NRXN3: variants seen among roughly 807,000 people sequenced by gnomAD.
NRXN3 encodes neurexin 3, also known as neurexin III.
A neutral mutation model predicts 137.6 loss-of-function variants in NRXN3; 32 were observed. The observed-to-expected ratio is 0.23, with a 90% CI of 0.18 to 0.31. The LOEUF (loss-of-function observed/expected upper bound fraction) is 0.31. Among genes scored for constraint, NRXN3 ranks in the 10% least tolerant of loss-of-function variants. The pLI is 1.00. For missense variants in NRXN3, 1,574 were observed against 2,062.5 expected (o/e 0.76, Z 4.59); for synonymous variants, 798 against 784.5 (o/e 1.02, Z -0.29).
At chr14:79,142,508 T>C (rs2058896844) in intron 15 of NRXN3, among the ~76,000 whole-genome samples, 1 of 151,804 alleles carries the variant, frequency 6.6e-6, no homozygotes. Flanking sequence ...AGCAAAGATA[T>C]GAATATTAAA....
intron 3 of NRXN3, among the ~76,000 whole-genome samples, chr14:78,281,752 T>C (rs1224940063): frequency 2.6e-5 from 4 of 152,076 alleles, no homozygotes; most frequent in Admixed American, 2.6e-4. Context: ...TCAGCACAGA[T>C]GGAGAAAAGC....
At chr14:79,244,072 A>G (rs1029955982) in intron 15 of NRXN3, among the ~76,000 whole-genome samples, 4 of 152,100 alleles carry the variant, frequency 2.6e-5, no homozygotes, top group South Asian at 2.1e-4. Flanking sequence ...TCGTTTGATG[A>G]TTTTCTTTCT....
chr14:78,629,614 C>T (rs930857454), intron 4 of NRXN3, among the ~76,000 whole-genome samples: 1 of 152,226 alleles, frequency 6.6e-6, no homozygotes, highest in African/African-American at 2.4e-5. Context: ...CAAATCATTC[C>T]ATACAACGTA....
chr14:79,622,221 A>G (rs1017096265), intron 16 of NRXN3, among the ~76,000 whole-genome samples: 3 of 152,336 alleles, frequency 2.0e-5, no homozygotes, highest in Admixed American at 1.3e-4. Context: ...GACATGTGAC[A>G]TGGATTTGCA....
intron 4 of NRXN3, among the ~76,000 whole-genome samples, chr14:78,519,863 G>A (rs2096262632): frequency 6.6e-6 from 1 of 152,136 alleles, no homozygotes; most frequent in South Asian, 2.1e-4. Flanking sequence ...TGTTTGTAGA[G>A]CATGCTGGAA....
rs150567649 is a variant in NRXN3, at chr14:78,834,487, G to A, written c.2275+24143G>A. Among the ~76,000 whole-genome samples the A allele has an allele frequency of 4.3e-3, 651 of 152,256 alleles. 8 individuals are homozygous for A. The highest frequency in any genetic ancestry group is 0.015 in the African/African-American group (609 of 41,556). ...ACTTAAAAAGCTGAAGCAAAAAGTT[G>A]CATTATTTTAGGAAAATGAAGCAGG... On this transcript the variant is annotated intron_variant, in intron 10 of 20. Transcript: ENST00000335750.
chr14:78,727,480 C>T (rs568690695), intron 8 of NRXN3, among the ~76,000 whole-genome samples: 25 of 152,248 alleles, frequency 1.6e-4, no homozygotes, highest in Admixed American at 1.2e-3. Flanking sequence ...CGGTGGCTCA[C>T]GCCTGTAATT....
intron 15 of NRXN3, among the ~76,000 whole-genome samples, chr14:79,197,807 T>C (rs569325908): frequency 1.3e-5 from 2 of 152,298 alleles, no homozygotes; most frequent in South Asian, 2.1e-4. Flanking sequence ...AAAGACTTCT[T>C]TGTAGCATGC....
intron 8 of NRXN3, among the ~76,000 whole-genome samples, chr14:78,785,401 C>G (rs1386593605): frequency 6.6e-6 from 1 of 152,200 alleles, no homozygotes; most frequent in Non-Finnish European, 1.5e-5. Context: ...CAGCGCTATT[C>G]TTGGCCCACT....
At chr14:78,302,807 C>G (rs75720978) in intron 4 of NRXN3, among the ~76,000 whole-genome samples, 1 of 152,196 alleles carries the variant, frequency 6.6e-6, no homozygotes, top group Non-Finnish European at 1.5e-5. Flanking sequence ...CTGAACCTTC[C>G]TCCTCCTAGG....
At chr14:78,704,335 G>A (rs2098323634) in intron 6 of NRXN3, among the ~76,000 whole-genome samples, 1 of 152,148 alleles carries the variant, frequency 6.6e-6, no homozygotes, top group Admixed American at 6.6e-5. Flanking sequence ...AGTAGCCAGG[G>A]AAATTCTCAA....
chr14:78,669,114 A>G lies in NRXN3; in HGVS notation c.1221+17788A>G, dbSNP rs60240031. ...TCCTGAAAGAGAAAGAACATGAACA[A>G]AAGTTAAAAAAAAATTTTAAGAGTG... On this transcript the variant is annotated intron_variant, in intron 6 of 20. Transcript: ENST00000335750. Among the ~76,000 whole-genome samples, 620 of 152,312 alleles carry G rather than the reference A, an allele frequency of 4.1e-3. 7 individuals carry two copies. Among genetic ancestry groups the G allele is most frequent in the African/African-American group, 0.014 (594 of 41,574 alleles).
At chr14:78,902,702 C>G (rs1236811150) in intron 10 of NRXN3, among the ~76,000 whole-genome samples, 2 of 151,950 alleles carry the variant, frequency 1.3e-5, no homozygotes, top group African/African-American at 4.8e-5. Context: ...ATGTACAAGG[C>G]TCTTAAAGAT....
intron 16 of NRXN3, among the ~76,000 whole-genome samples, chr14:79,594,252 T>A (rs1447566198): frequency 1.3e-5 from 2 of 152,156 alleles, no homozygotes; most frequent in South Asian, 4.1e-4. Context: ...TTTTAGTGGA[T>A]CTCAGTCTAG....
At chr14:79,043,627 C>T (rs1211223550) in intron 15 of NRXN3, among the ~76,000 whole-genome samples, 4 of 152,046 alleles carry the variant, frequency 2.6e-5, no homozygotes, top group East Asian at 1.9e-4. Context: ...ATCTATGGCC[C>T]GGGACAGCTC....
chr14:79,535,062 T>A (rs1463918859), intron 16 of NRXN3, among the ~76,000 whole-genome samples: 4 of 152,176 alleles, frequency 2.6e-5, no homozygotes, highest in Admixed American at 2.6e-4. Context: ...ATTTTTGAGG[T>A]CTCTTTTATT....
intron 16 of NRXN3, among the ~76,000 whole-genome samples, chr14:79,509,541 A>ATGTG (rs35117475): frequency 0.017 from 2,594 of 148,768 alleles, 53 homozygotes; most frequent in East Asian, 0.051. Context: ...TATTATATAT[A>ATGTG]TGTGTGTGTG....
intron 15 of NRXN3, among the ~76,000 whole-genome samples, chr14:79,413,626 CA>C (rs1390270062): frequency 4.6e-5 from 7 of 152,074 alleles, no homozygotes; most frequent in Non-Finnish European, 7.4e-5. Context: ...CCCAAGGATA[CA>C]GGCACTTTTA....
chr14:79,657,551 C>G (rs1477421763), intron 16 of NRXN3, among the ~76,000 whole-genome samples: 1 of 152,182 alleles, frequency 6.6e-6, no homozygotes, highest in Admixed American at 6.5e-5. Context: ...GAAGTGCTTA[C>G]TCTGTGCTTA....
Sources: gnomAD v4.1 joint callset for allele counts (sites outside exome capture counted in the v4.1 genomes callset) on GRCh38, gnomAD v4.1.1 for gene constraint, MANE v1.5 for transcripts, NCBI Gene and HGNC (gene_info 2026-07-23, HGNC 2026-07-21) for gene names.